Variants in ANKFN1 observed in about 807,000 individuals in gnomAD.
The protein encoded by ANKFN1 is ankyrin repeat and fibronectin type-III domain-containing protein 1.
In ANKFN1, 74 loss-of-function variants were observed where a neutral mutation model predicts 108.7. The observed-to-expected ratio is 0.68, with a 90% CI of 0.56 to 0.83. ANKFN1 has a LOEUF of 0.83. Ranked by LOEUF, ANKFN1 falls within the 40% of genes least tolerant of loss-of-function variation. The probability of loss-of-function intolerance (pLI) is 0.00; values close to 1 mark genes in which losing one functional copy is unlikely to be tolerated. For synonymous variants in ANKFN1, 547 were observed against 516.2 expected (o/e 1.06, Z -0.81); for missense variants, 1,505 against 1,382.3 (o/e 1.09, Z -1.41).
At chr17:56,131,743 T>C (rs1248329186) in intron 4 of ANKFN1, among the ~76,000 whole-genome samples, 2 of 152,130 alleles carry the variant, frequency 1.3e-5, no homozygotes, top group African/African-American at 4.8e-5. Context: ...GAAAATACTA[T>C]GGTCAGGGGT....
chr17:56,503,538 T>C (rs2051451898), intron 20 of ANKFN1, among the ~76,000 whole-genome samples: 2 of 131,756 alleles, frequency 1.5e-5, no homozygotes, highest in Admixed American at 7.6e-5. Flanking sequence ...TAGACAGTGG[T>C]ACATTAAAAC....
chr17:56,097,054 C>T (rs1054321909), intron 4 of ANKFN1, among the ~76,000 whole-genome samples: 1 of 152,082 alleles, frequency 6.6e-6, no homozygotes, highest in Non-Finnish European at 1.5e-5. Flanking sequence ...TAAGTGGGAG[C>T]TAAACATTGA....
intron 4 of ANKFN1, among the ~76,000 whole-genome samples, chr17:56,137,125 A>G (rs1907646596): frequency 1.3e-5 from 2 of 152,216 alleles, no homozygotes; most frequent in Admixed American, 6.5e-5. Flanking sequence ...AGAGATGTGA[A>G]AAATGAATAT....
intron 3 of ANKFN1, among the ~76,000 whole-genome samples, chr17:56,280,950 T>C (rs981044925): frequency 1.3e-5 from 2 of 152,162 alleles, no homozygotes; most frequent in Non-Finnish European, 2.9e-5. Flanking sequence ...TCATGAGATC[T>C]GATGGTTTTA....
At chr17:56,368,072 T>A in intron 6 of ANKFN1, 2 of 781,534 alleles carry the variant, frequency 2.6e-6, no homozygotes, top group Admixed American at 7.0e-5. Flanking sequence ...TGCCATCAGA[T>A]CCAGAGGCTA....
intron 1 of ANKFN1, among the ~76,000 whole-genome samples, chr17:56,188,045 C>T (rs1212831528): frequency 2.0e-5 from 3 of 152,012 alleles, no homozygotes; most frequent in Middle Eastern, 3.4e-3. Context: ...CAAACCTGCA[C>T]GTTGTGCACA....
chr17:56,140,964 A>G (rs1022489341), intron 4 of ANKFN1, among the ~76,000 whole-genome samples: 2 of 152,184 alleles, frequency 1.3e-5, no homozygotes, highest in Admixed American at 6.5e-5. Flanking sequence ...GTTTCTTTAT[A>G]TCTCCACAGT....
intron 14 of ANKFN1, among the ~76,000 whole-genome samples, chr17:56,458,721 G>T (rs146101247): frequency 6.6e-6 from 1 of 152,136 alleles, no homozygotes. Context: ...TGGGATTGGA[G>T]CCATTAAGAG....
intron 1 of ANKFN1, among the ~76,000 whole-genome samples, chr17:56,179,417 C>T (rs1312431941): frequency 2.0e-5 from 3 of 152,146 alleles, no homozygotes; most frequent in Admixed American, 2.0e-4. Context: ...ACATCCCTGC[C>T]CTGTTTGAAA....
intron 4 of ANKFN1, among the ~76,000 whole-genome samples, chr17:56,117,267 T>A (rs1322373101): frequency 6.6e-6 from 1 of 152,158 alleles, no homozygotes; most frequent in Admixed American, 6.5e-5. Context: ...TATGAATACA[T>A]GTAGTGACAA....
At chr17:56,116,388 T>C (rs1485781782) in intron 4 of ANKFN1, among the ~76,000 whole-genome samples, 2 of 152,192 alleles carry the variant, frequency 1.3e-5, no homozygotes, top group East Asian at 3.8e-4. Flanking sequence ...TGTTTGCATA[T>C]GGTTTGTTTG....
At chr17:56,333,775 G>A (rs2045729736) in intron 4 of ANKFN1, among the ~76,000 whole-genome samples, 1 of 152,022 alleles carries the variant, frequency 6.6e-6, no homozygotes, top group African/African-American at 2.4e-5. Context: ...CATTTAACAT[G>A]ACATTTATTA....
At chr17:56,287,154 T>C (rs1206771418) in intron 3 of ANKFN1, among the ~76,000 whole-genome samples, 2 of 152,174 alleles carry the variant, frequency 1.3e-5, no homozygotes, top group African/African-American at 2.4e-5. Flanking sequence ...AGAAAGGACA[T>C]ACCGAGAGGT....
intron 3 of ANKFN1, among the ~76,000 whole-genome samples, chr17:56,308,237 TA>T (rs35895470): frequency 0.26 from 36,601 of 141,672 alleles, 5,414 homozygotes; most frequent in Middle Eastern, 0.53. Flanking sequence ...TAAAGTATAA[TA>T]AAAAAAAAAA....
chr17:56,332,721 G>A (rs2045698053), intron 4 of ANKFN1, among the ~76,000 whole-genome samples: 1 of 151,954 alleles, frequency 6.6e-6, no homozygotes, highest in Non-Finnish European at 1.5e-5. Context: ...CTTAATTACT[G>A]TAGCTTCTTA....
chr17:56,174,754 C>A (rs1910980482), intron 1 of ANKFN1, among the ~76,000 whole-genome samples: 1 of 152,204 alleles, frequency 6.6e-6, no homozygotes. Context: ...AAAGATTGAT[C>A]TCCCTAGCGG....
intron 8 of ANKFN1, among the ~76,000 whole-genome samples, chr17:56,408,222 A>C (rs1407165096): frequency 1.3e-5 from 2 of 152,182 alleles, no homozygotes; most frequent in African/African-American, 4.8e-5. Flanking sequence ...GGCTTGAGCC[A>C]CCACACCCAG....
At chr17:56,280,134 C>T (rs1448738003) in intron 3 of ANKFN1, among the ~76,000 whole-genome samples, 1 of 151,838 alleles carries the variant, frequency 6.6e-6, no homozygotes, top group Non-Finnish European at 1.5e-5. Flanking sequence ...CTCGGCCTCC[C>T]GAGTATCTGG....
At chr17:56,396,542 T>G (rs7213785) in intron 8 of ANKFN1, among the ~76,000 whole-genome samples, 8,251 of 150,822 alleles carry the variant, frequency 0.055, 255 homozygotes, top group African/African-American at 0.063. Flanking sequence ...AAACTTCTGG[T>G]TTTTTTTTGA....
Sources: allele counts gnomAD v4.1 joint callset (sites outside exome capture counted in the v4.1 genomes callset), GRCh38; gene constraint gnomAD v4.1.1; transcripts MANE v1.5; gene names NCBI Gene and HGNC (gene_info 2026-07-23, HGNC 2026-07-21).